ARL15: variants seen among roughly 807,000 people sequenced by gnomAD.
The protein encoded by ARL15 is ADP-ribosylation factor-like protein 15.
In ARL15, 19 loss-of-function variants were observed where a neutral mutation model predicts 25.2. The ratio of observed to expected loss-of-function variants is 0.75; its 90% CI spans 0.53 to 1.10. The LOEUF (loss-of-function observed/expected upper bound fraction) is 1.10, where lower values mean the gene tolerates loss of function less well. ARL15 is among the 50% of genes least tolerant of loss of function. ARL15 has a pLI of 0.00. For synonymous variants in ARL15, 94 were observed against 86.8 expected (o/e 1.08, Z -0.46); for missense variants, 220 against 246.0 (o/e 0.89, Z 0.71).
In ARL15 at chr5:54,171,821, G is replaced by A. The variant is rs755115582; in HGVS notation, c.156C>T (p.Leu52=). Residue 52 remains leucine, a synonymous_variant, in exon 2 of 5, where the codon CTC becomes CTT. Coordinates refer to ENST00000504924, the MANE Select transcript of ARL15 (RefSeq NM_019087.3). ...CGACGTTATCGGGGCTTTCACTGCA[G>A]AGTTTGGACAACAGACTGGTTTTGC... ...GSGKTSLLSK[L]CSESPDNVVS... is the part of the protein sequence containing the mutation. The A allele has an allele frequency of 6.2e-7, 1 of 1,613,422 alleles. No homozygotes were observed. The highest frequency in any genetic ancestry group is 1.1e-5 in the South Asian group (1 of 90,994).
intron 4 of ARL15, among the ~76,000 whole-genome samples, chr5:53,899,339 C>T (rs1419262841): frequency 3.3e-4 from 35 of 106,154 alleles, no homozygotes; most frequent in African/African-American, 1.5e-3. Flanking sequence ...CAGAGTGAGA[C>T]TCTATCCCAA....
chr5:53,898,156 G>A (rs530903211), intron 4 of ARL15, among the ~76,000 whole-genome samples: 5 of 152,172 alleles, frequency 3.3e-5, no homozygotes, highest in Admixed American at 6.5e-5. Flanking sequence ...ACAGGTGGCA[G>A]AGGCAGAAGA....
intron 4 of ARL15, among the ~76,000 whole-genome samples, chr5:54,056,944 G>C (rs1307457750): frequency 6.6e-6 from 1 of 151,858 alleles, no homozygotes; most frequent in Non-Finnish European, 1.5e-5. Flanking sequence ...TTTGTGTCAT[G>C]AACACAAACA....
intron 1 of ARL15, among the ~76,000 whole-genome samples, chr5:54,172,836 G>C (rs1008286582): frequency 2.0e-5 from 3 of 152,166 alleles, no homozygotes; most frequent in Non-Finnish European, 4.4e-5. Flanking sequence ...ACATACCACT[G>C]CCTTTCTGGC....
chr5:53,996,314 C>G (rs1748669318), intron 4 of ARL15, among the ~76,000 whole-genome samples: 2 of 152,264 alleles, frequency 1.3e-5, no homozygotes, highest in Admixed American at 6.5e-5. Context: ...TGTGATCATA[C>G]TCAACATTAG....
chr5:54,050,226 G>A (rs1750663840), intron 4 of ARL15, among the ~76,000 whole-genome samples: 1 of 152,162 alleles, frequency 6.6e-6, no homozygotes, highest in Non-Finnish European at 1.5e-5. Flanking sequence ...TCGATCTGGT[G>A]CTACATTACA....
At chr5:54,116,232 G>A (rs977292479) in intron 3 of ARL15, among the ~76,000 whole-genome samples, 3 of 152,150 alleles carry the variant, frequency 2.0e-5, no homozygotes, top group Non-Finnish European at 4.4e-5. Flanking sequence ...TCAGCCAAGG[G>A]CAGGCCTCTG....
chr5:53,898,287 T>A (rs1744938085), intron 4 of ARL15, among the ~76,000 whole-genome samples: 1 of 152,190 alleles, frequency 6.6e-6, no homozygotes, highest in South Asian at 2.1e-4. Context: ...CTTTTTTTTG[T>A]AATGTATTTG....
chr5:54,003,974 T>G (rs1748936722), intron 4 of ARL15, among the ~76,000 whole-genome samples: 1 of 152,146 alleles, frequency 6.6e-6, no homozygotes, highest in African/African-American at 2.4e-5. Context: ...CAAGTGTGAA[T>G]AAAAATCTCT....
intron 1 of ARL15, among the ~76,000 whole-genome samples, chr5:54,265,128 A>G (rs1386487010): frequency 6.6e-6 from 1 of 152,162 alleles, no homozygotes; most frequent in Non-Finnish European, 1.5e-5. Flanking sequence ...TCCCTGCTGT[A>G]ATTTTTTTAA....
chr5:53,912,513 C>T (rs1478250988), intron 4 of ARL15, among the ~76,000 whole-genome samples: 2 of 152,206 alleles, frequency 1.3e-5, no homozygotes, highest in African/African-American at 4.8e-5. Context: ...TCCACATCAG[C>T]AGCTACTCCT....
chr5:53,921,335 C>A (rs554895786), intron 4 of ARL15, among the ~76,000 whole-genome samples: 1 of 152,146 alleles, frequency 6.6e-6, no homozygotes, highest in Non-Finnish European at 1.5e-5. Flanking sequence ...TACTGTCCCC[C>A]CTATAGCTAT....
chr5:54,310,003 C>G (rs1758853395), intron 1 of ARL15, among the ~76,000 whole-genome samples: 2 of 152,246 alleles, frequency 1.3e-5, no homozygotes, highest in Non-Finnish European at 2.9e-5. Context: ...GGCTGCTGGG[C>G]ACTTAGTGAG....
intron 1 of ARL15, chr5:54,285,412 A>G (rs1337309861): frequency 2.7e-5 from 20 of 738,022 alleles, no homozygotes. Flanking sequence ...AAACTTCAAC[A>G]AGATGGCAGA....
At chr5:54,294,564 C>T (rs1312901102) in intron 1 of ARL15, among the ~76,000 whole-genome samples, 1 of 152,164 alleles carries the variant, frequency 6.6e-6, no homozygotes, top group African/African-American at 2.4e-5. Context: ...TGAAATCCAG[C>T]CTTATAGAAT....
chr5:54,161,998 T>TAC (rs3839223), intron 2 of ARL15, among the ~76,000 whole-genome samples: 17,169 of 144,582 alleles, frequency 0.12, 1,187 homozygotes, highest in Non-Finnish European at 0.17. Context: ...CACACACACA[T>TAC]ACACACACAC....
chr5:53,910,960 T>C (rs1745444525), intron 4 of ARL15, among the ~76,000 whole-genome samples: 1 of 152,038 alleles, frequency 6.6e-6, no homozygotes, highest in Admixed American at 6.6e-5. Context: ...TTAAATACTT[T>C]GTAGACAGAA....
rs1024596685 is a variant in ARL15 at position 54,106,847 on chromosome 5, C to T, written c.462+6355G>A. Among the ~76,000 whole-genome samples, 15 of 151,842 alleles carry T rather than the reference C, an allele frequency of 9.9e-5. 1 individual carries two copies. The highest frequency in any genetic ancestry group is 4.2e-4 in the South Asian group (2 of 4,814). On this transcript the variant is annotated intron_variant, in intron 4 of 4. Coordinates refer to ENST00000504924, the MANE Select transcript of ARL15 (RefSeq NM_019087.3). ...AAGGAGTAGACAGAGAAGTTATAGGCGAAATTCTAATATTATGATTTGGAT... is the reference window on the plus strand; with the variant it reads ...AAGGAGTAGACAGAGAAGTTATAGGTGAAATTCTAATATTATGATTTGGAT...
At chr5:54,303,613 G>A (rs1214803126) in intron 1 of ARL15, among the ~76,000 whole-genome samples, 3 of 131,330 alleles carry the variant, frequency 2.3e-5, no homozygotes, top group South Asian at 2.4e-4. Flanking sequence ...TAAGGAGATC[G>A]CACCACTGCA....
Sources: gnomAD v4.1 joint callset for allele counts (sites outside exome capture counted in the v4.1 genomes callset) on GRCh38, gnomAD v4.1.1 for gene constraint, MANE v1.5 for transcripts, NCBI Gene and HGNC (gene_info 2026-07-23, HGNC 2026-07-21) for gene names.